PRRC2C: variants seen among roughly 807,000 people sequenced by gnomAD.
The protein encoded by PRRC2C is proline rich coiled-coil 2C.
PRRC2C carries 72 observed loss-of-function variants against 317.2 expected under a neutral mutation model. The ratio of observed to expected loss-of-function variants is 0.23; its 90% confidence interval spans 0.19 to 0.28. PRRC2C has a LOEUF of 0.28. PRRC2C is among the 10% of genes least tolerant of loss of function. The pLI is 1.00. For missense variants in PRRC2C, 3,074 were observed against 3,459.7 expected (o/e 0.89, Z 2.80); for synonymous variants, 1,296 against 1,205.9 (o/e 1.07, Z -1.55).
At chr1:171,517,109 G>T (rs1672520176) in intron 5 of PRRC2C, among the ~76,000 whole-genome samples, 1 of 152,188 alleles carries the variant, frequency 6.6e-6, no homozygotes, top group South Asian at 2.1e-4. Context: ...ATTTGGTTAA[G>T]TGTAATTACA....
intron 24 of PRRC2C, among the ~76,000 whole-genome samples, chr1:171,572,601 T>G (rs1684970833): frequency 6.6e-6 from 1 of 152,242 alleles, no homozygotes; most frequent in East Asian, 1.9e-4. Flanking sequence ...GCCATCCCTG[T>G]CTTTGCCTAG....
chr1:171,584,885 C>T (rs939058481), intron 30 of PRRC2C, among the ~76,000 whole-genome samples: 1 of 152,154 alleles, frequency 6.6e-6, no homozygotes, highest in Admixed American at 6.5e-5. Context: ...GATCCTTGCA[C>T]CGCAGCCTCC....
At chr1:171,588,274 C>A in intron 32 of PRRC2C, 105 bp from the exon 33 acceptor site, 1 of 1,286,980 alleles carries the variant, frequency 7.8e-7, no homozygotes. Context: ...TAAATTTTTA[C>A]CAACTACCAA....
intron 20 of PRRC2C, 148 bp from the exon 21 acceptor site, chr1:171,566,085 A>G (rs1163327537): frequency 1.5e-6 from 1 of 654,036 alleles, no homozygotes; most frequent in South Asian, 3.2e-5. Flanking sequence ...GTTAAGAGAA[A>G]ATTATCCTAA....
intron 16 of PRRC2C, among the ~76,000 whole-genome samples, chr1:171,544,284 C>T (rs779636397): frequency 1.2e-4 from 18 of 151,944 alleles, no homozygotes; most frequent in Non-Finnish European, 2.4e-4. Flanking sequence ...CTACCATGCC[C>T]GGCTAATTTT....
At chr1:171,588,543 TA>T in intron 33 of PRRC2C, 38 bp downstream of exon 33, 19 of 1,585,648 alleles carry the variant, frequency 1.2e-5, no homozygotes, top group Non-Finnish European at 1.6e-5. Flanking sequence ...ATTATTTACT[TA>T]AAAATAGTTG....
In PRRC2C at chr1:171,512,066, G is replaced by T; in HGVS notation, c.-23G>T. On this transcript the variant is annotated 5_prime_UTR_variant, in exon 2 of 35. Transcript: ENST00000647382. ...TTTAAGGGGTGTGGCAGGAGGTTTT[G>T]GACTCGATGAGTTTCCACCGAAATG... 3 of 1,454,890 alleles carry T rather than the reference G, an allele frequency of 2.1e-6. No homozygotes were observed. The highest frequency in any genetic ancestry group is 2.5e-5 in the South Asian group (2 of 80,450). The allele number at this position is 1,454,890 out of a possible 1,614,324, so 90.1% of individuals were successfully genotyped here.
At chr1:171,560,661 G>GT (rs966101103) in intron 19 of PRRC2C, among the ~76,000 whole-genome samples, 109 of 152,248 alleles carry the variant, frequency 7.2e-4, no homozygotes, top group Non-Finnish European at 1.1e-3. Context: ...TTTAGCGGTA[G>GT]TTTTTTTAAA....
chr1:171,547,002 G>T (rs557883792), intron 17 of PRRC2C, among the ~76,000 whole-genome samples: 7 of 152,024 alleles, frequency 4.6e-5, no homozygotes, highest in Non-Finnish European at 7.4e-5. Context: ...TGAGGTGGGC[G>T]GATCACCTGA....
chr1:171,514,813 C>T (rs1222357581), intron 4 of PRRC2C, among the ~76,000 whole-genome samples, 168 bp downstream of exon 4: 1 of 152,178 alleles, frequency 6.6e-6, no homozygotes, highest in Non-Finnish European at 1.5e-5. Context: ...TAGCTAAGTT[C>T]CAATGTCAAG....
intron 25 of PRRC2C, 147 bp from the exon 26 acceptor site, chr1:171,577,287 C>A: frequency 1.7e-6 from 1 of 580,488 alleles, no homozygotes; most frequent in Non-Finnish European, 3.0e-6. Flanking sequence ...CTTTTATAAG[C>A]TACCTCATCT....
chr1:171,541,010 T>C lies in PRRC2C; in HGVS notation c.3544T>C (p.Phe1182Leu). Residue 1182 changes from phenylalanine (F) to leucine (L), a missense_variant, in exon 16 of 35, where the codon TTT becomes CTT. Phe to Leu is a conservative substitution (Grantham distance 22). This residue lies in a region of PRRC2C where 1,320 missense variants were observed against 1,395.7 expected (regional missense o/e 0.95). Transcript: ENST00000647382. This position sits in a 1 kb window ranked among gnomAD's most constrained non-coding sequence, Gnocchi z 4.1. ...YWKEARERDW[F>L]PDQGYRGRGR... ...GAAAGAAGCTAGAGAGAGAGATTGG[T>C]TTCCAGATCAAGGATACAGAGGTCG... is the stretch of plus-strand genomic sequence containing the variant. 1.2e-6 allele frequency: 2 copies of C among 1,613,416 alleles called. No homozygotes were observed. Among genetic ancestry groups the C allele is most frequent in the Non-Finnish European group, 1.7e-6 (2 of 1,179,742 alleles).
chr1:171,512,047 G>T lies in PRRC2C; in HGVS notation c.-42G>T. 1 of 1,145,746 alleles carries T rather than the reference G, an allele frequency of 8.7e-7. No individual in the cohort carries two copies. Among genetic ancestry groups the T allele is most frequent in the South Asian group, 1.4e-5 (1 of 70,248 alleles). 71.0% of individuals were successfully genotyped at this position (1,145,746 alleles called of 1,614,324 possible). A position where few individuals can be genotyped will look rare whatever the true frequency, so the allele number is the denominator to read the frequency against. ...ACATCTTAAGGACTGGGGTTTTAAG[G>T]GGTGTGGCAGGAGGTTTTGGACTCG... is the stretch of plus-strand genomic sequence containing the variant. On this transcript the variant is annotated 5_prime_UTR_variant, in exon 2 of 35. Coordinates refer to ENST00000647382, the MANE Select transcript of PRRC2C (RefSeq NM_001387844.1).
intron 23 of PRRC2C, 143 bp downstream of exon 23, chr1:171,568,482 C>A: frequency 7.5e-7 from 1 of 1,331,014 alleles, no homozygotes; most frequent in Non-Finnish European, 9.8e-7. Flanking sequence ...TTTAGGAGTA[C>A]TGTAATATAA....
chr1:171,591,448 C>A, intron 34 of PRRC2C, 139 bp from the exon 35 acceptor site: 3 of 761,172 alleles, frequency 3.9e-6, no homozygotes, highest in Non-Finnish European at 5.7e-6. Context: ...GCTCAAAGAT[C>A]AATGAGGTAC....
intron 28 of PRRC2C, among the ~76,000 whole-genome samples, chr1:171,580,949 G>A (rs1291384073): frequency 6.6e-6 from 1 of 152,184 alleles, no homozygotes; most frequent in African/African-American, 2.4e-5. Flanking sequence ...AGTTAATACA[G>A]TATGTTTTAT....
At chr1:171,512,844 T>C (rs1671637726) in intron 2 of PRRC2C, 151 bp from the exon 3 acceptor site, 1 of 678,146 alleles carries the variant, frequency 1.5e-6, no homozygotes, top group East Asian at 3.0e-5. Flanking sequence ...GTTGCAGGTG[T>C]GTAGCTTAGT....
intron 6 of PRRC2C, among the ~76,000 whole-genome samples, chr1:171,518,484 TTTTTTTTCA>T (rs1672836212): frequency 3.5e-5 from 3 of 86,942 alleles, no homozygotes; most frequent in African/African-American, 7.0e-5. Context: ...TTTTTTTCAA[TTTTTTTTCA>T]ATTTTTTTTT....
At chr1:171,490,858 T>A (rs185703268) in intron 1 of PRRC2C, among the ~76,000 whole-genome samples, 155 of 152,322 alleles carry the variant, frequency 1.0e-3, no homozygotes, top group African/African-American at 3.5e-3. Flanking sequence ...AGACTAATTG[T>A]TTTAAAACCT....
Sources: gnomAD v4.1 joint callset for allele counts (sites outside exome capture counted in the v4.1 genomes callset) on GRCh38, gnomAD v4.1.1 for gene constraint, gnomAD v4.1.1 regional missense constraint, Gnocchi (gnomAD v3.1) non-coding constraint, MANE v1.5 for transcripts, NCBI Gene and HGNC (gene_info 2026-07-23, HGNC 2026-07-21) for gene names.